KCNB2: variants seen among roughly 807,000 people sequenced by gnomAD.
KCNB2 encodes potassium voltage-gated channel subfamily B member 2.
Under a neutral mutation model 61.5 loss-of-function variants are expected in KCNB2, and 15 were observed. The ratio of observed to expected loss-of-function variants is 0.24; its 90% CI spans 0.16 to 0.38. The LOEUF is 0.38. KCNB2 is among the 10% of genes least tolerant of loss of function. The pLI is 1.00. For synonymous variants in KCNB2, 457 were observed against 446.0 expected, an observed-to-expected ratio of 1.02 and a Z score of -0.31; for missense variants, 828 against 1,125.2, an observed-to-expected ratio of 0.74 and a Z score of 3.78.
chr8:72,856,741 T>C (rs558932840), intron 2 of KCNB2, among the ~76,000 whole-genome samples: 18 of 152,254 alleles, frequency 1.2e-4, no homozygotes, highest in Admixed American at 1.0e-3. Context: ...TTAAAGAACA[T>C]TGTGAGATGA....
intron 2 of KCNB2, among the ~76,000 whole-genome samples, chr8:72,895,006 C>T (rs1261302425): frequency 6.6e-6 from 1 of 152,098 alleles, no homozygotes; most frequent in Non-Finnish European, 1.5e-5. Context: ...ATCCACTGGA[C>T]CCTCCCCCTA....
intron 2 of KCNB2, among the ~76,000 whole-genome samples, chr8:72,778,732 G>GAAAAAAAAAAAAAAAAAAA (rs1808699831): frequency 7.8e-4 from 1 of 1,284 alleles, no homozygotes; most frequent in African/African-American, 3.5e-3. Flanking sequence ...CACAGAGCGA[G>GAAAAAAAAAAAAAAAAAAA]CAAAAAAAAA....
intron 2 of KCNB2, among the ~76,000 whole-genome samples, chr8:72,815,439 T>C (rs538750782): frequency 6.2e-4 from 94 of 152,312 alleles, no homozygotes; most frequent in African/African-American, 2.1e-3. Context: ...GTAGCACTTA[T>C]CAGTGTTACA....
chr8:72,539,687 C>T (rs905278490), intron 1 of KCNB2, among the ~76,000 whole-genome samples: 6 of 152,160 alleles, frequency 3.9e-5, no homozygotes, highest in African/African-American at 1.2e-4. Context: ...TTTTCTATTG[C>T]CTCTCTTTTC....
intron 2 of KCNB2, among the ~76,000 whole-genome samples, chr8:72,915,666 T>A (rs1341243321): frequency 6.6e-6 from 1 of 152,108 alleles, no homozygotes; most frequent in African/African-American, 2.4e-5. Flanking sequence ...ATACCTGTAA[T>A]CCCAGCACTT....
chr8:72,691,560 G>C (rs540433344), intron 2 of KCNB2, among the ~76,000 whole-genome samples: 1 of 152,130 alleles, frequency 6.6e-6, no homozygotes, highest in Non-Finnish European at 1.5e-5. Flanking sequence ...CACATGTTAA[G>C]TACACATTGC....
At chr8:72,714,788 A>G (rs1233703987) in intron 2 of KCNB2, among the ~76,000 whole-genome samples, 6 of 152,222 alleles carry the variant, frequency 3.9e-5, no homozygotes, top group African/African-American at 1.4e-4. Flanking sequence ...TCATAATGAC[A>G]GGATCAAATT....
At chr8:72,748,864 T>C in intron 2 of KCNB2, among the ~76,000 whole-genome samples, 1 of 152,118 alleles carries the variant, frequency 6.6e-6, no homozygotes, top group East Asian at 1.9e-4. Flanking sequence ...GTGAGAACAC[T>C]TAAAAATCTA....
At chr8:72,623,292 T>A (rs1014492762) in intron 2 of KCNB2, among the ~76,000 whole-genome samples, 3 of 152,170 alleles carry the variant, frequency 2.0e-5, no homozygotes, top group Non-Finnish European at 2.9e-5. Flanking sequence ...GGGCACTTCT[T>A]GCTATTTGCC....
chr8:72,822,707 G>A (rs1809531455), intron 2 of KCNB2, among the ~76,000 whole-genome samples: 1 of 152,132 alleles, frequency 6.6e-6, no homozygotes, highest in Non-Finnish European at 1.5e-5. Context: ...ACTCTTTAAT[G>A]GTTTTCTACT....
At chr8:72,756,972 T>A (rs902648096) in intron 2 of KCNB2, among the ~76,000 whole-genome samples, 5 of 152,168 alleles carry the variant, frequency 3.3e-5, no homozygotes, top group African/African-American at 1.2e-4. Flanking sequence ...CAGGTGGCAT[T>A]GTCAGATGCT....
chr8:72,610,690 T>A (rs1055854152), intron 2 of KCNB2, among the ~76,000 whole-genome samples: 2 of 152,218 alleles, frequency 1.3e-5, no homozygotes, highest in Non-Finnish European at 2.9e-5. Flanking sequence ...AGTCTCATTT[T>A]AAAATGTGGT....
At chr8:72,744,522 G>T (rs1808023924) in intron 2 of KCNB2, among the ~76,000 whole-genome samples, 1 of 152,144 alleles carries the variant, frequency 6.6e-6, no homozygotes. Context: ...CAAAATATAG[G>T]AATAATATAA....
chr8:72,763,938 C>T (rs1049882684), intron 2 of KCNB2, among the ~76,000 whole-genome samples: 23 of 152,070 alleles, frequency 1.5e-4, no homozygotes, highest in Non-Finnish European at 1.8e-4. Context: ...GCATCCGAGG[C>T]AGAGCAAACA....
intron 2 of KCNB2, among the ~76,000 whole-genome samples, chr8:72,808,204 T>C (rs1809253714): frequency 1.3e-5 from 2 of 152,194 alleles, no homozygotes; most frequent in South Asian, 4.1e-4. Flanking sequence ...TGCCATGAAA[T>C]AGGATGGATT....
intron 2 of KCNB2, among the ~76,000 whole-genome samples, chr8:72,641,223 G>A (rs1280821472): frequency 6.6e-6 from 1 of 151,940 alleles, no homozygotes; most frequent in African/African-American, 2.4e-5. Context: ...GGTGTTAATG[G>A]TTCCACTGTT....
At chr8:72,642,618 A>G (rs999653442) in intron 2 of KCNB2, among the ~76,000 whole-genome samples, 2 of 152,088 alleles carry the variant, frequency 1.3e-5, no homozygotes, top group Non-Finnish European at 2.9e-5. Flanking sequence ...TGCAACAATG[A>G]CTGTCACCCA....
chr8:72,656,304 T>C (rs1806290912), intron 2 of KCNB2, among the ~76,000 whole-genome samples: 1 of 152,150 alleles, frequency 6.6e-6, no homozygotes, highest in African/African-American at 2.4e-5. Flanking sequence ...ACAAAGCAAC[T>C]TGCACCTCTG....
chr8:72,578,813 G>C (rs768803931), intron 2 of KCNB2, among the ~76,000 whole-genome samples: 2 of 152,188 alleles, frequency 1.3e-5, no homozygotes, highest in Non-Finnish European at 2.9e-5. Flanking sequence ...TCTTGGTTGA[G>C]TTGTTTGGCA....
Sources: allele counts gnomAD v4.1 joint callset (sites outside exome capture counted in the v4.1 genomes callset), GRCh38; gene constraint gnomAD v4.1.1; transcripts MANE v1.5; gene names NCBI Gene and HGNC (gene_info 2026-07-23, HGNC 2026-07-21).